Variants in TMEM163 observed in about 807,000 individuals in gnomAD.
TMEM163 encodes the protein transmembrane protein 163.
In TMEM163, 17 loss-of-function variants were observed where a neutral mutation model predicts 29.3. That is an observed-to-expected ratio of 0.58 (90% CI 0.40 to 0.87). The LOEUF is 0.87. Among genes scored for constraint, TMEM163 ranks in the 40% least tolerant of loss-of-function variants. The pLI is 0.00. For synonymous variants in TMEM163, 157 were observed against 160.6 expected (o/e 0.98, Z 0.17); for missense variants, 303 against 381.5 (o/e 0.79, Z 1.71).
chr2:134,523,753 G>T (rs1270023233), intron 4 of TMEM163, among the ~76,000 whole-genome samples: 1 of 152,160 alleles, frequency 6.6e-6, no homozygotes, highest in South Asian at 2.1e-4. Flanking sequence ...GAAGTGGGGA[G>T]GGGTCCTGAA....
intron 2 of TMEM163, among the ~76,000 whole-genome samples, chr2:134,690,783 T>C (rs749961561): frequency 7.2e-5 from 11 of 152,224 alleles, no homozygotes; most frequent in Non-Finnish European, 1.3e-4. Flanking sequence ...AATTAGACCT[T>C]GTATAATCAC....
intron 4 of TMEM163, among the ~76,000 whole-genome samples, chr2:134,542,012 T>C (rs1258264610): frequency 6.6e-6 from 1 of 152,200 alleles, no homozygotes; most frequent in African/African-American, 2.4e-5. Flanking sequence ...GAAACAATCT[T>C]TTTATCCCCT....
chr2:134,526,233 T>G (rs982886872), intron 4 of TMEM163, among the ~76,000 whole-genome samples: 1 of 152,204 alleles, frequency 6.6e-6, no homozygotes, highest in Non-Finnish European at 1.5e-5. Context: ...AGTTTTTCCT[T>G]CTTTTTAATA....
At chr2:134,622,447 G>T (rs1682759815) in intron 2 of TMEM163, among the ~76,000 whole-genome samples, 1 of 152,166 alleles carries the variant, frequency 6.6e-6, no homozygotes, top group South Asian at 2.1e-4. Context: ...TCCAGCAAAG[G>T]CCGTGTCTTT....
chr2:134,639,904 C>A (rs1380483943), intron 2 of TMEM163, among the ~76,000 whole-genome samples: 1 of 152,186 alleles, frequency 6.6e-6, no homozygotes, highest in Non-Finnish European at 1.5e-5. Context: ...CAGCAAGCCG[C>A]TTCTTTCAGA....
chr2:134,680,097 G>C (rs1482008008), intron 2 of TMEM163, among the ~76,000 whole-genome samples: 1 of 152,208 alleles, frequency 6.6e-6, no homozygotes, highest in East Asian at 1.9e-4. Flanking sequence ...AGAAAGTCAG[G>C]CTGCTAAGGC....
At chr2:134,629,404 T>C (rs981591152) in intron 2 of TMEM163, among the ~76,000 whole-genome samples, 5 of 152,238 alleles carry the variant, frequency 3.3e-5, no homozygotes, top group African/African-American at 1.2e-4. Flanking sequence ...AACTTTCAGA[T>C]ATACTGTGCT....
intron 4 of TMEM163, among the ~76,000 whole-genome samples, chr2:134,529,436 G>A (rs943441460): frequency 6.6e-6 from 1 of 152,060 alleles, no homozygotes; most frequent in Non-Finnish European, 1.5e-5. Flanking sequence ...GATGAGGGGT[G>A]ACTCTTCATA....
chr2:134,687,760 C>A lies in TMEM163; in HGVS notation c.322+25440G>T, dbSNP rs186314909. On this transcript the variant is annotated intron_variant, in intron 2 of 7. Transcript: ENST00000281924. The stretch of plus-strand genomic sequence containing the variant: ...GAAAAGACATCAGTGTGGTAAAAGG[C>A]AGAACCTAGCTTATCAACCAATAAT... Among the ~76,000 whole-genome samples, 157 of 152,312 alleles carry A rather than the reference C, an allele frequency of 1.0e-3. 1 individual carries two copies. The highest frequency in any genetic ancestry group is 3.4e-3 in the Middle Eastern group (1 of 294).
intron 2 of TMEM163, among the ~76,000 whole-genome samples, chr2:134,623,901 A>G (rs1023776598): frequency 2.0e-5 from 3 of 152,238 alleles, no homozygotes; most frequent in African/African-American, 2.4e-5. Flanking sequence ...ATTACTCCAC[A>G]CTATACTTTT....
intron 2 of TMEM163, among the ~76,000 whole-genome samples, chr2:134,581,920 T>G (rs1681702133): frequency 6.6e-6 from 1 of 152,142 alleles, no homozygotes; most frequent in South Asian, 2.1e-4. Context: ...TGGCTACACA[T>G]ATTGAAGACT....
At chr2:134,601,134 G>A (rs2104810024) in intron 2 of TMEM163, among the ~76,000 whole-genome samples, 1 of 152,110 alleles carries the variant, frequency 6.6e-6, no homozygotes, top group East Asian at 1.9e-4. Context: ...CAACTGCAAT[G>A]GAGGAAAGAT....
At chr2:134,588,100 A>G (rs1270770357) in intron 2 of TMEM163, among the ~76,000 whole-genome samples, 1 of 152,230 alleles carries the variant, frequency 6.6e-6, no homozygotes, top group Non-Finnish European at 1.5e-5. Flanking sequence ...TACAATTGGC[A>G]TTTTTGGAAC....
Position 134,563,945 on chromosome 2 carries a change from G to A in TMEM163, c.323-11854C>T, listed in dbSNP as rs183380820. ...TGGGTGTCTGTAGTCCCAGCTACTC[G>A]GGAGGCTGAGGCAGGAGAATCTCTT... On this transcript the variant is annotated intron_variant, in intron 2 of 7. Coordinates refer to ENST00000281924, the MANE Select transcript of TMEM163 (RefSeq NM_030923.5). Among the ~76,000 whole-genome samples the A allele has an allele frequency of 1.5e-3, 223 of 152,244 alleles. 1 individual carries two copies. The highest frequency in any genetic ancestry group is 4.8e-3 in the South Asian group (23 of 4,826).
intron 2 of TMEM163, among the ~76,000 whole-genome samples, chr2:134,669,378 T>C (rs1273201488): frequency 1.3e-5 from 2 of 152,150 alleles, no homozygotes; most frequent in Non-Finnish European, 2.9e-5. Context: ...TACCTCTACA[T>C]CCTTTACTTT....
At chr2:134,595,489 C>T (rs1450562064) in intron 2 of TMEM163, among the ~76,000 whole-genome samples, 1 of 152,174 alleles carries the variant, frequency 6.6e-6, no homozygotes, top group Non-Finnish European at 1.5e-5. Flanking sequence ...TGTATATGTG[C>T]CACATTTTCT....
Position 134,693,106 on chromosome 2 carries a change from A to G in TMEM163, c.322+20094T>C, listed in dbSNP as rs147278842. Among the ~76,000 whole-genome samples the G allele has an allele frequency of 3.3e-5, 5 of 152,232 alleles. 1 individual carries two copies. The highest frequency in any genetic ancestry group is 3.3e-4 in the Admixed American group (5 of 15,282). On this transcript the variant is annotated intron_variant, in intron 2 of 7. Coordinates refer to ENST00000281924, the MANE Select transcript of TMEM163 (RefSeq NM_030923.5). ...TGTGCCTCAGCCTCCACAGTGCCAC[A>G]GAACCCTTGCTTTGTCTCTAATCCC...
intron 2 of TMEM163, among the ~76,000 whole-genome samples, chr2:134,652,295 C>A (rs1236938962): frequency 1.6e-5 from 1 of 61,978 alleles, no homozygotes; most frequent in Non-Finnish European, 3.3e-5. Context: ...GTATTTTATT[C>A]TCTTTGAAGC....
intron 2 of TMEM163, among the ~76,000 whole-genome samples, chr2:134,702,655 A>G (rs780167020): frequency 1.3e-4 from 19 of 151,570 alleles, no homozygotes; most frequent in Non-Finnish European, 2.6e-4. Context: ...AAAATAAAAA[A>G]TAAATTAATT....
Sources: gnomAD v4.1 joint callset for allele counts (sites outside exome capture counted in the v4.1 genomes callset) on GRCh38, gnomAD v4.1.1 for gene constraint, MANE v1.5 for transcripts, NCBI Gene and HGNC (gene_info 2026-07-23, HGNC 2026-07-21) for gene names.